Variants in NRXN3 observed in about 807,000 individuals in gnomAD.
The protein encoded by NRXN3 is neurexin III.
NRXN3 carries 32 observed loss-of-function variants against 137.6 expected under a neutral mutation model. That is an observed-to-expected ratio of 0.23 (90% CI 0.18 to 0.31). The LOEUF is 0.31. NRXN3 is among the 10% of genes least tolerant of loss of function. The probability of loss-of-function intolerance (pLI) is 1.00; values close to 1 mark genes in which losing one functional copy is unlikely to be tolerated. For missense variants in NRXN3, 1,574 were observed against 2,062.5 expected, an observed-to-expected ratio of 0.76 and a Z score of 4.59; for synonymous variants, 798 against 784.5, an observed-to-expected ratio of 1.02 and a Z score of -0.29.
chr14:79,334,990 C>T (rs2153343529), intron 15 of NRXN3, among the ~76,000 whole-genome samples: 1 of 152,212 alleles, frequency 6.6e-6, no homozygotes, highest in East Asian at 1.9e-4. Flanking sequence ...AATAAATATT[C>T]CCAGCCTTGC....
chr14:79,819,481 G>GTTTTT (rs1603615656), intron 20 of NRXN3, among the ~76,000 whole-genome samples: 1 of 43,472 alleles, frequency 2.3e-5, no homozygotes, highest in South Asian at 1.4e-3. Flanking sequence ...GACATTAAAA[G>GTTTTT]CTTTTTTTTT....
intron 16 of NRXN3, among the ~76,000 whole-genome samples, chr14:79,501,916 T>G (rs570583621): frequency 1.3e-5 from 2 of 152,166 alleles, no homozygotes; most frequent in Non-Finnish European, 2.9e-5. Flanking sequence ...GAAATTATAT[T>G]AAGAATTTAT....
chr14:79,758,431 T>C (rs1603466575), intron 19 of NRXN3, among the ~76,000 whole-genome samples: 1 of 151,358 alleles, frequency 6.6e-6, no homozygotes, highest in African/African-American at 2.4e-5. Context: ...GGATAGGAGG[T>C]TCAGGCAGTT....
At chr14:78,730,076 G>T (rs1407835012) in intron 8 of NRXN3, among the ~76,000 whole-genome samples, 1 of 152,134 alleles carries the variant, frequency 6.6e-6, no homozygotes, top group Non-Finnish European at 1.5e-5. Context: ...GCTCCCCTAG[G>T]CTGGGGCCTA....
intron 4 of NRXN3, among the ~76,000 whole-genome samples, chr14:78,616,544 CTTTG>C (rs2097349696): frequency 1.3e-5 from 2 of 152,210 alleles, no homozygotes; most frequent in African/African-American, 4.8e-5. Flanking sequence ...GTAGGCTTTT[CTTTG>C]TTTGAGGGCC....
rs541235352 is a variant in NRXN3, at chr14:79,290,074, C to T, written c.3263-177147C>T. On this transcript the variant is annotated intron_variant, in intron 15 of 20. Transcript: ENST00000335750. ...GTGTATTCACTCCTGAGTGACTTTCCCCCAAACTATGAATTTCAACTATTT... is the reference window on the plus strand; with the variant it reads ...GTGTATTCACTCCTGAGTGACTTTCTCCCAAACTATGAATTTCAACTATTT... 2.0e-5 allele frequency among the ~76,000 whole-genome samples: 3 copies of T among 152,158 alleles called. No homozygotes were observed. In the East Asian group the frequency reaches 5.8e-4, roughly 29 times the overall value.
intron 15 of NRXN3, among the ~76,000 whole-genome samples, chr14:79,359,769 C>T (rs538005706): frequency 1.2e-3 from 178 of 151,778 alleles, no homozygotes; most frequent in Admixed American, 2.6e-3. Context: ...TGGGGTTTCA[C>T]CATGTTGAGC....
chr14:78,850,825 A>T (rs995478328), intron 10 of NRXN3, among the ~76,000 whole-genome samples: 1 of 152,328 alleles, frequency 6.6e-6, no homozygotes, highest in Admixed American at 6.5e-5. Flanking sequence ...CATTAAAATT[A>T]TAAAGGCACA....
At chr14:79,039,161 A>G (rs1420487340) in intron 15 of NRXN3, among the ~76,000 whole-genome samples, 1 of 152,092 alleles carries the variant, frequency 6.6e-6, no homozygotes, top group African/African-American at 2.4e-5. Context: ...GTATCTATGG[A>G]ATATAGAGGT....
At chr14:78,266,770 C>T (rs529264819) in intron 2 of NRXN3, among the ~76,000 whole-genome samples, 5 of 152,212 alleles carry the variant, frequency 3.3e-5, no homozygotes, top group East Asian at 1.9e-4. Context: ...CAGAGCTTTA[C>T]AACACCTCCT....
At chr14:79,856,243 T>C (rs1603620092) in intron 20 of NRXN3, among the ~76,000 whole-genome samples, 1 of 152,186 alleles carries the variant, frequency 6.6e-6, no homozygotes, top group Admixed American at 6.5e-5. Flanking sequence ...GTACTTGCCC[T>C]GTTTGTCCAT....
At chr14:79,824,416 C>T (rs556186012) in intron 20 of NRXN3, among the ~76,000 whole-genome samples, 6 of 151,786 alleles carry the variant, frequency 4.0e-5, no homozygotes, top group East Asian at 1.9e-4. Flanking sequence ...TTTTTTTCCA[C>T]GTGCATCTTA....
At chr14:78,280,243 A>G (rs1023180315) in intron 3 of NRXN3, among the ~76,000 whole-genome samples, 1 of 152,210 alleles carries the variant, frequency 6.6e-6, no homozygotes, top group African/African-American at 2.4e-5. Flanking sequence ...ACGCAGACAC[A>G]CACATATCTA....
At chr14:79,297,805 G>A (rs1002818683) in intron 15 of NRXN3, among the ~76,000 whole-genome samples, 2 of 152,040 alleles carry the variant, frequency 1.3e-5, no homozygotes, top group Admixed American at 1.3e-4. Context: ...AGAGGCCAAA[G>A]GGCCATTTCA....
At chr14:79,345,421 A>G (rs76037907) in intron 15 of NRXN3, among the ~76,000 whole-genome samples, 4,719 of 152,062 alleles carry the variant, frequency 0.031, 116 homozygotes, top group Non-Finnish European at 0.046. Flanking sequence ...GTCACCAGAA[A>G]CCTCTGACAC....
Position 78,777,063 on chromosome 14 carries a change from A to G in NRXN3, c.2045-26557A>G, listed in dbSNP as rs144793332. On this transcript the variant is annotated intron_variant, in intron 8 of 20. Coordinates refer to ENST00000335750, the MANE Select transcript of NRXN3 (RefSeq NM_001330195.2). The stretch of plus-strand genomic sequence containing the variant: ...TGAGGGAGGCCATTCATGTACATAT[A>G]TTATTCAAATCCTGTTCCTTTCCAT... 4.6e-5 allele frequency among the ~76,000 whole-genome samples: 7 copies of G among 152,306 alleles called. No individual in the cohort carries two copies. In the East Asian group the frequency reaches 1.2e-3, roughly 25 times the overall value.
Position 79,862,491 on chromosome 14 carries a change from A to AC in NRXN3, c.*527_*528insC, listed in dbSNP as rs561768232. 552 of 152,674 alleles carry AC rather than the reference A, an allele frequency of 3.6e-3. 3 individuals are homozygous for AC. Among genetic ancestry groups the AC allele is most frequent in the African/African-American group, 0.01 (419 of 41,558 alleles). The allele number at this position is 152,674 out of a possible 1,614,324, so 9.5% of individuals were successfully genotyped here. ...AACACCAAAAAACAAAAACAAACAAAAAAAAAAACCCACAACCCTTATCTG... is the reference window on the plus strand; with the variant it reads ...AACACCAAAAAACAAAAACAAACAAACAAAAAAAACCCACAACCCTTATCTG... On this transcript the variant is annotated 3_prime_UTR_variant, in exon 21 of 21. Coordinates refer to ENST00000335750, the MANE Select transcript of NRXN3 (RefSeq NM_001330195.2).
At chr14:79,625,724 G>C (rs1281342052) in intron 16 of NRXN3, among the ~76,000 whole-genome samples, 1 of 152,110 alleles carries the variant, frequency 6.6e-6, no homozygotes, top group Non-Finnish European at 1.5e-5. Flanking sequence ...CTCCCCATGT[G>C]GATCTGAATA....
rs575233003 is a variant in NRXN3 at position 79,176,849 on chromosome 14, T to C, written c.3262+188708T>C. Among the ~76,000 whole-genome samples the C allele has an allele frequency of 9.8e-5, 15 of 152,358 alleles. No individual in the cohort carries two copies. In the East Asian group the frequency reaches 2.5e-3, roughly 25 times the overall value. ...TCTGACTCTTCACCCATCAGAAAGA[T>C]GGAGTTCTCTCTTTGTACACCTTGC... On this transcript the variant is annotated intron_variant, in intron 15 of 20. Coordinates refer to ENST00000335750, the MANE Select transcript of NRXN3 (RefSeq NM_001330195.2).
Sources: gnomAD v4.1 joint callset for allele counts (sites outside exome capture counted in the v4.1 genomes callset) on GRCh38, gnomAD v4.1.1 for gene constraint, MANE v1.5 for transcripts, NCBI Gene and HGNC (gene_info 2026-07-23, HGNC 2026-07-21) for gene names.